INPP4B: variants seen among roughly 807,000 people sequenced by gnomAD.
INPP4B encodes the protein inositol polyphosphate 4-phosphatase type II.
Under a neutral mutation model 122.5 loss-of-function variants are expected in INPP4B, and 55 were observed. The ratio of observed to expected loss-of-function variants is 0.45; its 90% CI spans 0.36 to 0.56. INPP4B has a LOEUF of 0.56. Among genes scored for constraint, INPP4B ranks in the 20% least tolerant of loss-of-function variants. INPP4B has a pLI of 0.00. For synonymous variants in INPP4B, 403 were observed against 388.7 expected (o/e 1.04, Z -0.43); for missense variants, 1,000 against 1,097.7 (o/e 0.91, Z 1.26).
chr4:142,663,649 A>C (rs149447792), intron 2 of INPP4B, among the ~76,000 whole-genome samples: 1 of 152,048 alleles, frequency 6.6e-6, no homozygotes, highest in African/African-American at 2.4e-5. Flanking sequence ...CAAGCTGCTA[A>C]GTAATTATGT....
intron 2 of INPP4B, among the ~76,000 whole-genome samples, chr4:142,591,752 T>C (rs141385550): frequency 2.3e-4 from 35 of 152,304 alleles, no homozygotes; most frequent in African/African-American, 7.9e-4. Context: ...TTGATGAGAA[T>C]TGTCCTCCTC....
rs961485419 is a variant in INPP4B, at chr4:142,277,180, C to CT, written c.504-6407dup. 7.5e-3 allele frequency among the ~76,000 whole-genome samples: 1,042 copies of CT among 139,826 alleles called. 1 individual carries two copies. Among genetic ancestry groups the CT allele is most frequent in the Non-Finnish European group, 9.3e-3 (588 of 63,410 alleles). The allele number at this position is 139,826 out of a possible 152,430, so 91.7% of individuals were successfully genotyped here. A position where few individuals can be genotyped will look rare whatever the true frequency, so the allele number is the denominator to read the frequency against. ...TAGCCCACTTTTTGATGGGATTGTT[C>CT]TTTTTTTTTTTTCTTGCTGATTTGT... On this transcript the variant is annotated intron_variant, in intron 9 of 25. Coordinates refer to ENST00000262992, the MANE Select transcript of INPP4B (RefSeq NM_001101669.3).
intron 2 of INPP4B, among the ~76,000 whole-genome samples, chr4:142,503,383 A>T (rs933807069): frequency 3.3e-5 from 5 of 152,162 alleles, no homozygotes; most frequent in Non-Finnish European, 5.9e-5. Flanking sequence ...TAGCAATAAT[A>T]AACTTTAAAA....
At chr4:142,772,421 A>C (rs547167375) in intron 1 of INPP4B, among the ~76,000 whole-genome samples, 3 of 152,280 alleles carry the variant, frequency 2.0e-5, no homozygotes, top group African/African-American at 7.2e-5. Context: ...GTTGTGATTA[A>C]TTCCAACTGA....
chr4:142,609,643 A>G (rs991546246), intron 2 of INPP4B, among the ~76,000 whole-genome samples: 1 of 152,324 alleles, frequency 6.6e-6, no homozygotes, highest in Non-Finnish European at 1.5e-5. Flanking sequence ...TTCTCCAAAA[A>G]AAGCTTATCT....
At chr4:142,206,185 A>T (rs1842516938) in intron 14 of INPP4B, among the ~76,000 whole-genome samples, 1 of 152,110 alleles carries the variant, frequency 6.6e-6, no homozygotes. Context: ...TTATCATGGC[A>T]TTAATTCACT....
chr4:142,182,399 T>A (rs1357177298), intron 15 of INPP4B, among the ~76,000 whole-genome samples: 5 of 151,746 alleles, frequency 3.3e-5, no homozygotes, highest in African/African-American at 7.3e-5. Flanking sequence ...ATACAAAAAA[T>A]TAGCCGGGCG....
chr4:142,761,818 C>T (rs1161487967), intron 1 of INPP4B, among the ~76,000 whole-genome samples: 1 of 152,152 alleles, frequency 6.6e-6, no homozygotes, highest in Non-Finnish European at 1.5e-5. Context: ...AAATCAGTCA[C>T]ATTCAGACAC....
chr4:142,760,332 T>C (rs1771146050), intron 1 of INPP4B, among the ~76,000 whole-genome samples: 1 of 152,116 alleles, frequency 6.6e-6, no homozygotes. Context: ...ATCTTTTAAC[T>C]AACAAAAGAG....
chr4:142,402,122 T>G (rs568178888), intron 7 of INPP4B, among the ~76,000 whole-genome samples: 1 of 152,298 alleles, frequency 6.6e-6, no homozygotes, highest in South Asian at 2.1e-4. Context: ...ACCAGAACTC[T>G]CCTGGAACCC....
chr4:142,127,092 A>G (rs1798957631), intron 18 of INPP4B, among the ~76,000 whole-genome samples: 1 of 152,152 alleles, frequency 6.6e-6, no homozygotes, highest in South Asian at 2.1e-4. Context: ...GGCGCTGCTT[A>G]ATCAGGCTGA....
chr4:142,139,588 T>C (rs1407093290), intron 18 of INPP4B, among the ~76,000 whole-genome samples: 1 of 152,206 alleles, frequency 6.6e-6, no homozygotes, highest in East Asian at 1.9e-4. Flanking sequence ...ATTACAGTCG[T>C]GAGCCACCCT....
chr4:142,642,802 A>C (rs1425162328), intron 2 of INPP4B, among the ~76,000 whole-genome samples: 2 of 152,194 alleles, frequency 1.3e-5, no homozygotes, highest in African/African-American at 4.8e-5. Context: ...CAATTCTGTG[A>C]AGAAAGTTAT....
intron 2 of INPP4B, among the ~76,000 whole-genome samples, chr4:142,683,260 C>T (rs905787880): frequency 7.2e-5 from 11 of 151,844 alleles, no homozygotes; most frequent in African/African-American, 2.7e-4. Context: ...TCTATAAAAG[C>T]TTATGTAAGG....
At chr4:142,201,090 A>G (rs1215748982) in intron 14 of INPP4B, among the ~76,000 whole-genome samples, 1 of 152,090 alleles carries the variant, frequency 6.6e-6, no homozygotes, top group Admixed American at 6.6e-5. Context: ...TAGCATTTTT[A>G]CACTTCAGGT....
At chr4:142,723,925 C>T (rs557806544) in intron 2 of INPP4B, among the ~76,000 whole-genome samples, 4 of 152,108 alleles carry the variant, frequency 2.6e-5, no homozygotes, top group Admixed American at 6.5e-5. Flanking sequence ...ATGACATAAA[C>T]GTCATTTCTC....
In INPP4B at chr4:142,685,150, C is replaced by A. The variant is rs1759163455; in HGVS notation, c.-191+40689G>T. ...AAGGAATGCTGCAGCTTCAGATATG[C>A]TTCTTCCCAATTTTACAAGCCATAG... On this transcript the variant is annotated intron_variant, in intron 2 of 25. Transcript: ENST00000262992. 3.3e-5 allele frequency among the ~76,000 whole-genome samples: 5 copies of A among 152,164 alleles called. No individual in the cohort carries two copies. In the South Asian group the frequency reaches 1.0e-3, roughly 32 times the overall value.
chr4:142,351,883 C>G (rs1049879394), intron 7 of INPP4B, among the ~76,000 whole-genome samples: 1 of 151,828 alleles, frequency 6.6e-6, no homozygotes, highest in Non-Finnish European at 1.5e-5. Context: ...TTGAAGAATG[C>G]CAAAACAATA....
intron 18 of INPP4B, among the ~76,000 whole-genome samples, chr4:142,142,106 GT>G (rs1252367474): frequency 6.6e-6 from 1 of 152,022 alleles, no homozygotes; most frequent in Non-Finnish European, 1.5e-5. Context: ...ATCATACATT[GT>G]AATAAATACT....
Sources: gnomAD v4.1 joint callset for allele counts (sites outside exome capture counted in the v4.1 genomes callset) on GRCh38, gnomAD v4.1.1 for gene constraint, MANE v1.5 for transcripts, NCBI Gene and HGNC (gene_info 2026-07-23, HGNC 2026-07-21) for gene names.